Variants in XPO6 observed in about 807,000 individuals in gnomAD.
XPO6 encodes the protein exportin-6.
XPO6 carries 3 observed loss-of-function variants against 130.0 expected under a neutral mutation model. The ratio of observed to expected loss-of-function variants is 0.02; its 90% CI spans 0.01 to 0.06. The LOEUF is 0.06. Among genes scored for constraint, XPO6 ranks in the 10% least tolerant of loss-of-function variants. XPO6 has a pLI of 1.00. For missense variants in XPO6, 970 were observed against 1,393.0 expected, an observed-to-expected ratio of 0.70 and a Z score of 4.83; for synonymous variants, 524 against 548.9, an observed-to-expected ratio of 0.95 and a Z score of 0.63.
At chr16:28,171,754 G>A (rs1165992945) in intron 4 of XPO6, among the ~76,000 whole-genome samples, 1 of 152,106 alleles carries the variant, frequency 6.6e-6, no homozygotes, top group African/African-American at 2.4e-5. Context: ...TTCTAACACT[G>A]ACTTAAATTC....
At chr16:28,154,255 T>TAAAAAAAAAA (rs11284457) in intron 7 of XPO6, 3 of 811,890 alleles carry the variant, frequency 3.7e-6, no homozygotes, top group East Asian at 2.0e-4. Flanking sequence ...ACTACCCATT[T>TAAAAAAAAAA]AAAAAAAAAA....
chr16:28,206,112 G>GT (rs1596980643), intron 1 of XPO6, among the ~76,000 whole-genome samples: 2 of 148,384 alleles, frequency 1.3e-5, no homozygotes, highest in African/African-American at 5.0e-5. Context: ...GTTCATAGAT[G>GT]TAAGATGCCT....
At position 28,211,660 on chromosome 16, in the gene XPO6, C is replaced by G; in HGVS notation, c.-292G>C. 2 of 395,666 alleles carry G rather than the reference C, an allele frequency of 5.1e-6. No homozygotes were observed. Among genetic ancestry groups the G allele is most frequent in the East Asian group, 3.6e-5 (1 of 27,846 alleles). 24.5% of individuals were successfully genotyped at this position (395,666 alleles called of 1,614,324 possible). On this transcript the variant is annotated 5_prime_UTR_variant, in exon 1 of 24. Coordinates refer to ENST00000304658, the MANE Select transcript of XPO6 (RefSeq NM_015171.4). Reference sequence around the variant, plus strand: ...CGGCGAGGAGGGCAGCTGCTCGGGACCCCCGCCCGGGCCCGACCCCCGCGG... The same window carrying G: ...CGGCGAGGAGGGCAGCTGCTCGGGAGCCCCGCCCGGGCCCGACCCCCGCGG...
chr16:28,114,981 G>C (rs1338318505), intron 15 of XPO6, among the ~76,000 whole-genome samples: 1 of 152,184 alleles, frequency 6.6e-6, no homozygotes, highest in Non-Finnish European at 1.5e-5. Context: ...ATCTGTTCAA[G>C]CTTGATCCTG....
chr16:28,147,720 T>A (rs1596877090), intron 8 of XPO6, among the ~76,000 whole-genome samples: 1 of 151,848 alleles, frequency 6.6e-6, no homozygotes, highest in Non-Finnish European at 1.5e-5. Context: ...CCCAGGCGGG[T>A]GGATCTCTTG....
intron 12 of XPO6, among the ~76,000 whole-genome samples, chr16:28,129,880 G>A (rs552926356): frequency 6.6e-6 from 1 of 152,352 alleles, no homozygotes; most frequent in South Asian, 2.1e-4. Context: ...CCAATGAGGG[G>A]TGGCAGAAGT....
Position 28,125,725 on chromosome 16 carries a change from G to A in XPO6, c.1730C>T (p.Ala577Val). ...TGTGAGGGCATCATTGAACCGTGCA[G>A]CAAACACATCCCCGATAAAGTACTC... ...LAEYFIGDVF[A>V]ARFNDALTVV... The change falls in exon 13 of 24, where the codon GCT (alanine) becomes GTT (valine). Residue 577 changes from alanine to valine, a missense_variant. By Grantham distance (64) the Ala-to-Val change is moderately conservative (BLOSUM62 0). Around this residue, in one of 4 missense-constraint regions of XPO6, gnomAD observed 936 missense variants for 1,306.8 expected, o/e 0.72. Transcript: ENST00000304658. 6.2e-7 allele frequency: 1 copy of A among 1,614,196 alleles called. No individual in the cohort carries two copies. The highest frequency in any genetic ancestry group is 8.5e-7 in the Non-Finnish European group (1 of 1,180,034).
intron 3 of XPO6, among the ~76,000 whole-genome samples, chr16:28,176,391 A>G (rs960501811): frequency 6.6e-6 from 1 of 152,246 alleles, no homozygotes; most frequent in Non-Finnish European, 1.5e-5. Context: ...CAATGTTCAA[A>G]AACAGGAGCA....
chr16:28,203,438 A>G (rs576867687), intron 1 of XPO6, among the ~76,000 whole-genome samples: 31 of 152,256 alleles, frequency 2.0e-4, no homozygotes, highest in African/African-American at 7.5e-4. Flanking sequence ...CTTGGCTTAG[A>G]CAGATACATT....
intron 1 of XPO6, among the ~76,000 whole-genome samples, chr16:28,205,758 C>T (rs535840626): frequency 6.6e-6 from 1 of 152,064 alleles, no homozygotes; most frequent in African/African-American, 2.4e-5. Flanking sequence ...TGCCTTTAAG[C>T]CAGGCATGGT....
chr16:28,153,896 T>G, intron 7 of XPO6: 1 of 985,456 alleles, frequency 1.0e-6, no homozygotes, highest in Non-Finnish European at 1.2e-6. Flanking sequence ...TGTCCCATGT[T>G]GCTCCTGGGA....
chr16:28,161,342 T>C (rs1015735250), intron 6 of XPO6, among the ~76,000 whole-genome samples: 1 of 152,184 alleles, frequency 6.6e-6, no homozygotes, highest in African/African-American at 2.4e-5. Context: ...GCTGAGGTCT[T>C]ATGCTAACGC....
chr16:28,141,055 T>C (rs1391103703), intron 9 of XPO6, among the ~76,000 whole-genome samples: 1 of 152,230 alleles, frequency 6.6e-6, no homozygotes, highest in Non-Finnish European at 1.5e-5. Flanking sequence ...AGAGCTCTGA[T>C]CTAAACCTAG....
At position 28,117,809 on chromosome 16, in the gene XPO6, A is replaced by G. The variant is rs533679940; in HGVS notation, c.1860-347T>C. 1.0e-3 allele frequency among the ~76,000 whole-genome samples: 156 copies of G among 152,350 alleles called. 7 individuals are homozygous for G. Among genetic ancestry groups the G allele is most frequent in the South Asian group, 8.3e-4 (4 of 4,828 alleles). ...TTGACTTCAGAACTAGTACAAATTTAACATTCCTAGCTGCAGACTAAAGCG... is the reference window on the plus strand; with the variant it reads ...TTGACTTCAGAACTAGTACAAATTTGACATTCCTAGCTGCAGACTAAAGCG... On this transcript the variant is annotated intron_variant, in intron 14 of 23. Coordinates refer to ENST00000304658, the MANE Select transcript of XPO6 (RefSeq NM_015171.4).
At chr16:28,172,982 G>C (rs993148393) in intron 4 of XPO6, 3 of 152,142 alleles carry the variant, frequency 2.0e-5, no homozygotes, top group African/African-American at 4.8e-5. Context: ...AAAAATGGCT[G>C]CATCTGTAGT....
intron 12 of XPO6, among the ~76,000 whole-genome samples, chr16:28,127,040 C>T (rs956349330): frequency 6.6e-6 from 1 of 152,208 alleles, no homozygotes; most frequent in African/African-American, 2.4e-5. Flanking sequence ...AGAGCCCAGA[C>T]TAAGCTTGCA....
At chr16:28,177,155 C>T in intron 3 of XPO6, 65 bp downstream of exon 3, 1 of 1,105,764 alleles carries the variant, frequency 9.0e-7, no homozygotes, top group Non-Finnish European at 1.3e-6. Flanking sequence ...TAGTCTAGTG[C>T]TAATGATATG....
intron 13 of XPO6, among the ~76,000 whole-genome samples, chr16:28,121,979 CAAAA>C (rs1186193753): frequency 6.6e-6 from 1 of 151,046 alleles, no homozygotes; most frequent in Admixed American, 6.6e-5. Context: ...TTGAAGGTGT[CAAAA>C]ACTTTGAAAA....
Position 28,156,498 on chromosome 16 carries a change from G to T in XPO6, c.673C>A (p.Pro225Thr). ...GDLLSNLLQS[P>T]SSAKLLNQPI... ...TGATTCAACAGTTTGGCTGAACTGG[G>T]ACTCTGCAACAGGTTACTCAGTAAG... Residue 225 changes from proline (P) to threonine (T), a missense_variant, in exon 7 of 24, where the codon CCC becomes ACC. Pro to Thr is a conservative substitution (Grantham distance 38). Coordinates refer to ENST00000304658, the MANE Select transcript of XPO6 (RefSeq NM_015171.4). 6.3e-7 allele frequency: 1 copy of T among 1,588,768 alleles called. No individual in the cohort carries two copies. Among genetic ancestry groups the T allele is most frequent in the Non-Finnish European group, 8.6e-7 (1 of 1,163,658 alleles).
Sources: gnomAD v4.1 joint callset for allele counts (sites outside exome capture counted in the v4.1 genomes callset) on GRCh38, gnomAD v4.1.1 for gene constraint, gnomAD v4.1.1 regional missense constraint, MANE v1.5 for transcripts, NCBI Gene and HGNC (gene_info 2026-07-23, HGNC 2026-07-21) for gene names.